ARID1B: variants seen among roughly 807,000 people sequenced by gnomAD.
ARID1B encodes the protein AT-rich interactive domain-containing protein 1B.
Under a neutral mutation model 212.3 loss-of-function variants are expected in ARID1B, and 30 were observed. That is an observed-to-expected ratio of 0.14 (90% CI 0.11 to 0.19). ARID1B has a LOEUF of 0.19. ARID1B is among the 10% of genes least tolerant of loss of function. ARID1B has a pLI of 1.00. For synonymous variants in ARID1B, 1,402 were observed against 1,301.7 expected (o/e 1.08, Z -1.66); for missense variants, 2,891 against 3,204.0 (o/e 0.90, Z 2.36).
chr6:157,069,131 A>G lies in ARID1B; in HGVS notation c.2248-15531A>G, dbSNP rs190394009. 9.6e-4 allele frequency among the ~76,000 whole-genome samples: 146 copies of G among 151,948 alleles called. 1 individual carries two copies. The highest frequency in any genetic ancestry group is 3.3e-3 in the African/African-American group (136 of 41,418). ...TGTGGTTATTTTTTTTTCTTTTTCT[A>G]TACTCAAATGTGAGGCCCCTTAACA... On this transcript the variant is annotated intron_variant, in intron 4 of 19. Coordinates refer to ENST00000636930, the MANE Select transcript of ARID1B (RefSeq NM_001374828.1).
At chr6:157,078,138 T>C (rs909945583) in intron 4 of ARID1B, among the ~76,000 whole-genome samples, 5 of 152,126 alleles carry the variant, frequency 3.3e-5, no homozygotes, top group African/African-American at 9.7e-5. Context: ...TAAAAAGCAT[T>C]TTAACTGGTA....
chr6:156,885,382 A>G (rs1025190443), intron 2 of ARID1B, among the ~76,000 whole-genome samples: 2 of 152,240 alleles, frequency 1.3e-5, no homozygotes, highest in African/African-American at 2.4e-5. Context: ...TTCAAAATGT[A>G]TAGTTTAGAA....
At chr6:156,948,324 C>G (rs1649236711) in intron 4 of ARID1B, among the ~76,000 whole-genome samples, 1 of 152,170 alleles carries the variant, frequency 6.6e-6, no homozygotes, top group Admixed American at 6.5e-5. Flanking sequence ...CTCAGCCTCC[C>G]ACCTCAGCCT....
At position 156,846,151 on chromosome 6, in the gene ARID1B, T is replaced by TTTGTTTG. The variant is rs112667100; in HGVS notation, c.1986+16732_1986+16733insGTTTGTT. 4.7e-5 allele frequency among the ~76,000 whole-genome samples: 7 copies of TTTGTTTG among 149,946 alleles called. No individual in the cohort carries two copies. In the South Asian group the frequency reaches 1.3e-3, roughly 28 times the overall value. On this transcript the variant is annotated intron_variant, in intron 2 of 19. Transcript: ENST00000636930. Reference sequence around the variant, plus strand: ...GGTCTTTCTGGTTGGAGGCTATTTTTTTTGTTTGTTTGTTTGTTTTTGAGA... The same window carrying TTTGTTTG: ...GGTCTTTCTGGTTGGAGGCTATTTTTTTGTTTGTTTGTTTGTTTGTTTGTTTTTGAGA...
chr6:157,095,742 C>T (rs1030812565), intron 5 of ARID1B, among the ~76,000 whole-genome samples: 2 of 152,130 alleles, frequency 1.3e-5, no homozygotes, highest in Non-Finnish European at 1.5e-5. Flanking sequence ...GTTGTATTCT[C>T]AAGTCCAGTT....
intron 4 of ARID1B, among the ~76,000 whole-genome samples, chr6:156,988,718 A>T (rs1778089376): frequency 6.6e-6 from 1 of 152,264 alleles, no homozygotes; most frequent in South Asian, 2.1e-4. Context: ...AGAGTGGGGA[A>T]GTGCGCTTCA....
At chr6:157,096,217 C>T (rs1443655291) in intron 5 of ARID1B, among the ~76,000 whole-genome samples, 1 of 152,232 alleles carries the variant, frequency 6.6e-6, no homozygotes, top group Admixed American at 6.5e-5. Context: ...GCCTGAGCCC[C>T]TGGCGGGCTG....
chr6:156,799,125 T>C (rs1232203701), intron 1 of ARID1B, among the ~76,000 whole-genome samples: 1 of 152,216 alleles, frequency 6.6e-6, no homozygotes, highest in Non-Finnish European at 1.5e-5. Context: ...ATGTGGAACC[T>C]CAAAGGGAAA....
chr6:156,946,840 G>A (rs1793190798), intron 4 of ARID1B, among the ~76,000 whole-genome samples: 2 of 151,638 alleles, frequency 1.3e-5, no homozygotes, highest in African/African-American at 4.8e-5. Flanking sequence ...TGAGAGTAAA[G>A]CAAGTCCTGA....
chr6:157,082,270 T>C (rs1784684848), intron 4 of ARID1B, among the ~76,000 whole-genome samples: 1 of 152,172 alleles, frequency 6.6e-6, no homozygotes, highest in Admixed American at 6.5e-5. Flanking sequence ...GTAGGGATGG[T>C]GTGAGTACAC....
At chr6:157,026,422 A>G (rs1780674832) in intron 4 of ARID1B, among the ~76,000 whole-genome samples, 1 of 152,224 alleles carries the variant, frequency 6.6e-6, no homozygotes, top group Non-Finnish European at 1.5e-5. Flanking sequence ...TTTAATGTCA[A>G]GATGTACCCT....
chr6:156,945,371 G>T (rs4870499), intron 4 of ARID1B, among the ~76,000 whole-genome samples: 30,899 of 148,724 alleles, frequency 0.21, 3,588 homozygotes, highest in Non-Finnish European at 0.26. Context: ...AGCACAAAAT[G>T]GTATGCACTG....
rs569698137 is a variant in ARID1B at position 156,801,271 on chromosome 6, G to A, written c.1791+21800G>A. On this transcript the variant is annotated intron_variant, in intron 1 of 19. Transcript: ENST00000636930. ...TCTGGAGTGCAGTGGTGCAATCTCG[G>A]CTCACTGCAACCTCTGCCTCCCGGT... Among the ~76,000 whole-genome samples, 10 of 149,670 alleles carry A rather than the reference G, an allele frequency of 6.7e-5. 1 individual carries two copies. The Admixed American group carries it at 6.7e-4, about 10-fold the overall frequency.
intron 6 of ARID1B, among the ~76,000 whole-genome samples, chr6:157,127,164 G>A (rs892002820): frequency 5.9e-5 from 9 of 152,132 alleles, no homozygotes; most frequent in Admixed American, 5.2e-4. Flanking sequence ...AAAGAAAAAC[G>A]TTTAAACCAG....
chr6:157,011,655 C>A (rs75661026), intron 4 of ARID1B, among the ~76,000 whole-genome samples: 1,837 of 152,260 alleles, frequency 0.012, 34 homozygotes, highest in African/African-American at 0.042. Flanking sequence ...ATTGTAGTTG[C>A]ATTTTATTTA....
chr6:156,827,868 C>T (rs770255748), intron 1 of ARID1B, among the ~76,000 whole-genome samples: 5 of 135,890 alleles, frequency 3.7e-5, no homozygotes, highest in Non-Finnish European at 7.7e-5. Context: ...TCAAGCGATT[C>T]TCCTGCCTCA....
chr6:156,825,000 G>C (rs926877151), intron 1 of ARID1B, among the ~76,000 whole-genome samples: 2 of 152,044 alleles, frequency 1.3e-5, no homozygotes, highest in Non-Finnish European at 2.9e-5. Flanking sequence ...GAGTAGCTGG[G>C]ATTACAGGTG....
Position 157,184,452 on chromosome 6 carries a change from C to T in ARID1B, c.3919+17C>T, listed in dbSNP as rs748001723. 4 of 1,613,646 alleles carry T rather than the reference C, an allele frequency of 2.5e-6. No homozygotes were observed. Among genetic ancestry groups the T allele is most frequent in the African/African-American group, 2.7e-5 (2 of 75,056 alleles). The stretch of plus-strand genomic sequence containing the variant: ...CATCTCCTGGTAAGTGGCGGCGCTG[C>T]AGTCACTGGCCCAGGAAAGCCCAGG... On this transcript the variant is annotated intron_variant, in intron 13 of 19. Transcript: ENST00000636930.
chr6:156,962,527 TAGCACAATCACAGCTTAATCAC>T (rs1794455730), intron 4 of ARID1B, among the ~76,000 whole-genome samples: 1 of 152,170 alleles, frequency 6.6e-6, no homozygotes, highest in African/African-American at 2.4e-5. Flanking sequence ...TGGAGTGCGG[TAGCACAATCACAGCTTAATCAC>T]AGCACAATCA....
Sources: gnomAD v4.1 joint callset for allele counts (sites outside exome capture counted in the v4.1 genomes callset) on GRCh38, gnomAD v4.1.1 for gene constraint, MANE v1.5 for transcripts, NCBI Gene and HGNC (gene_info 2026-07-23, HGNC 2026-07-21) for gene names.